The following KCNC4 variants were observed in gnomAD, a reference collection of about 807,000 sequenced individuals.
KCNC4 encodes the protein potassium voltage-gated channel subfamily C member 4.
In KCNC4, 23 loss-of-function variants were observed where a neutral mutation model predicts 42.8. The ratio of observed to expected loss-of-function variants is 0.54; its 90% CI spans 0.39 to 0.76. The LOEUF (loss-of-function observed/expected upper bound fraction) is 0.76. KCNC4 is among the 30% of genes least tolerant of loss of function. The pLI, the probability that KCNC4 is intolerant of heterozygous loss-of-function variation, is 0.00. For missense variants in KCNC4, 751 were observed against 898.2 expected (o/e 0.84, Z 2.10); for synonymous variants, 422 against 393.5 (o/e 1.07, Z -0.86).
At chr1:110,247,417 C>A in exon 4 of KCNC4, 1 of 152,616 alleles carries the variant, frequency 6.6e-6, no homozygotes. Flanking sequence ...GCCATGTTAC[C>A]CAGGCTGGTC....
intron 1 of KCNC4, among the ~76,000 whole-genome samples, chr1:110,270,464 A>G (rs1369661707): frequency 2.6e-5 from 4 of 152,186 alleles, no homozygotes; most frequent in Non-Finnish European, 5.9e-5. Flanking sequence ...CTATACTAAT[A>G]ATCTCAGGGT....
At chr1:110,275,787 T>C (rs2101089970) in intron 1 of KCNC4, among the ~76,000 whole-genome samples, 1 of 151,720 alleles carries the variant, frequency 6.6e-6, no homozygotes, top group South Asian at 2.1e-4. Context: ...TGAAACCCCG[T>C]CTCTACTAAA....
intron 2 of KCNC4, chr1:110,224,578 T>C (rs1297894577): frequency 1.3e-5 from 2 of 152,146 alleles, no homozygotes; most frequent in African/African-American, 4.8e-5. Context: ...CAGACAGTGT[T>C]GGGAAGGGGA....
At chr1:110,266,751 C>A (rs1212741357) in intron 1 of KCNC4, among the ~76,000 whole-genome samples, 1 of 152,120 alleles carries the variant, frequency 6.6e-6, no homozygotes, top group Non-Finnish European at 1.5e-5. Flanking sequence ...TGTATGGGCC[C>A]CATTTCTTCC....
chr1:110,263,860 A>T (rs1369360541), intron 1 of KCNC4, among the ~76,000 whole-genome samples: 2 of 151,428 alleles, frequency 1.3e-5, no homozygotes, highest in African/African-American at 2.4e-5. Flanking sequence ...ATTTGGGGAG[A>T]GTCCTTCTCA....
chr1:110,252,898 T>C (rs145607149), downstream of KCNC4, among the ~76,000 whole-genome samples: 1 of 152,088 alleles, frequency 6.6e-6, no homozygotes, highest in African/African-American at 2.4e-5. Context: ...GGAGAAGAAA[T>C]TGGGACTCAG....
chr1:110,279,936 C>T (rs543415666), intron 1 of KCNC4, among the ~76,000 whole-genome samples: 8 of 151,654 alleles, frequency 5.3e-5, no homozygotes, highest in Non-Finnish European at 8.8e-5. Context: ...AGTAGGCACC[C>T]GCCACTACGC....
At chr1:110,235,362 C>T (rs1406341825), downstream of KCNC4, 1 of 152,218 alleles carries the variant, frequency 6.6e-6, no homozygotes, top group African/African-American at 2.4e-5. Context: ...CATTTGCAGC[C>T]AGGCTGGCCT....
At chr1:110,281,207 AG>A (rs1315323373) in intron 1 of KCNC4, among the ~76,000 whole-genome samples, 1 of 152,108 alleles carries the variant, frequency 6.6e-6, no homozygotes, top group Non-Finnish European at 1.5e-5. Flanking sequence ...GGAGCGGGGA[AG>A]GGGGACTGAG....
At chr1:110,213,004 C>T (rs1219519316) in intron 1 of KCNC4, among the ~76,000 whole-genome samples, 2 of 151,854 alleles carry the variant, frequency 1.3e-5, no homozygotes, top group African/African-American at 4.8e-5. Context: ...TTCCAGAAAG[C>T]CCTGGTTCAG....
At chr1:110,275,534 A>ATTATATAT (rs1370385204) in intron 1 of KCNC4, among the ~76,000 whole-genome samples, 1 of 152,236 alleles carries the variant, frequency 6.6e-6, no homozygotes, top group Non-Finnish European at 1.5e-5. Context: ...AGAAGAAATC[A>ATTATATAT]TTATATAAAA....
chr1:110,257,438 G>A (rs909325058), intron 1 of KCNC4, among the ~76,000 whole-genome samples: 4 of 151,756 alleles, frequency 2.6e-5, no homozygotes, highest in African/African-American at 9.7e-5. Flanking sequence ...TCCAGGGACC[G>A]GGTGCGGTGG....
downstream of KCNC4, chr1:110,234,114 C>G (rs991060427): frequency 6.6e-6 from 1 of 152,314 alleles, no homozygotes; most frequent in African/African-American, 2.4e-5. Flanking sequence ...ACCCCTGACA[C>G]CTGAGGAGTG....
At chr1:110,272,822 G>A (rs1659658694) in intron 1 of KCNC4, among the ~76,000 whole-genome samples, 1 of 152,136 alleles carries the variant, frequency 6.6e-6, no homozygotes, top group African/African-American at 2.4e-5. Flanking sequence ...ATTTCCATGA[G>A]CTGTCTTAGA....
At chr1:110,232,679 C>G (rs546466614) in intron 3 of KCNC4, 13 of 1,471,416 alleles carry the variant, frequency 8.8e-6, no homozygotes, top group Non-Finnish European at 1.1e-5. Flanking sequence ...ATTCCCTGAC[C>G]CATCCATGCT....
At chr1:110,232,851 G>A in intron 3 of KCNC4, 60 bp from the exon 4 acceptor site, 1 of 1,563,000 alleles carries the variant, frequency 6.4e-7, no homozygotes, top group Non-Finnish European at 8.7e-7. Flanking sequence ...AACCCCAGAA[G>A]GCAATGTTGA....
intron 1 of KCNC4, among the ~76,000 whole-genome samples, chr1:110,268,690 G>GT (rs1659588808): frequency 6.7e-6 from 1 of 149,170 alleles, no homozygotes; most frequent in Admixed American, 6.7e-5. Flanking sequence ...GGCTTGAGAA[G>GT]TTTCTCCCGT....
chr1:110,261,942 T>C (rs1355773148), intron 1 of KCNC4, among the ~76,000 whole-genome samples: 1 of 152,230 alleles, frequency 6.6e-6, no homozygotes, highest in East Asian at 1.9e-4. Flanking sequence ...TATTATCTTT[T>C]AAAAATTGAT....
chr1:110,254,105 G>A (rs1464147329), downstream of KCNC4, among the ~76,000 whole-genome samples: 5 of 145,658 alleles, frequency 3.4e-5, no homozygotes, highest in Non-Finnish European at 6.1e-5. Context: ...GGGGGGCGGC[G>A]TTTCTGTTGT....
Sources: gnomAD v4.1 joint callset for allele counts (sites outside exome capture counted in the v4.1 genomes callset) on GRCh38, gnomAD v4.1.1 for gene constraint, MANE v1.5 for transcripts, NCBI Gene and HGNC (gene_info 2026-07-23, HGNC 2026-07-21) for gene names.